The following CDH23 variants were observed in gnomAD, a reference collection of about 807,000 sequenced individuals.
The protein encoded by CDH23 is cadherin-23.
In CDH23, 189 loss-of-function variants were observed where a neutral mutation model predicts 317.1. The observed-to-expected ratio is 0.60, with a 90% CI of 0.53 to 0.67. The LOEUF (loss-of-function observed/expected upper bound fraction) is 0.67. Ranked by LOEUF, CDH23 falls within the 30% of genes least tolerant of loss-of-function variation. The pLI is 0.00. For synonymous variants in CDH23, 1,839 were observed against 1,876.8 expected (o/e 0.98, Z 0.52); for missense variants, 4,401 against 4,592.4 (o/e 0.96, Z 1.20).
intron 6 of CDH23, among the ~76,000 whole-genome samples, chr10:71,525,608 G>T (rs1037396277): frequency 1.3e-5 from 2 of 152,172 alleles, no homozygotes; most frequent in African/African-American, 2.4e-5. Context: ...GGAACCCAGA[G>T]CTGCCAGCTG....
At position 71,759,846 on chromosome 10, in the gene CDH23, C is replaced by CACACACATAT. The variant is rs776230069; in HGVS notation, c.4846-17833_4846-17832insCACACATATA. ...ACACACACACACACACACACACACACATATACACACACACACACATATATA... is the reference window on the plus strand; with the variant it reads ...ACACACACACACACACACACACACACACACACATATATATACACACACACACACATATATA... On this transcript the variant is annotated intron_variant, in intron 38 of 69. Coordinates refer to ENST00000224721, the MANE Select transcript of CDH23 (RefSeq NM_022124.6). Among the ~76,000 whole-genome samples the CACACACATAT allele has an allele frequency of 3.1e-3, 188 of 59,954 alleles. 5 individuals are homozygous for CACACACATAT. Among genetic ancestry groups the CACACACATAT allele is most frequent in the Middle Eastern group, 7.2e-3 (1 of 138 alleles). The allele number at this position is 59,954 out of a possible 152,430, so 39.3% of individuals were successfully genotyped here.
intron 60 of CDH23, 49 bp from the exon 61 acceptor site, chr10:71,809,771 T>G (rs1589436734): frequency 6.3e-7 from 1 of 1,587,846 alleles, no homozygotes; most frequent in East Asian, 2.2e-5. Flanking sequence ...TCCTGGGGAT[T>G]CGGGGCACTG....
In CDH23 at chr10:71,812,009, T is replaced by C. The variant is rs762355670; in HGVS notation, c.9374T>C (p.Phe3125Ser). The C allele has an allele frequency of 1.2e-5, 20 of 1,613,724 alleles. No individual in the cohort carries two copies. The Admixed American group carries it at 2.5e-4, about 20-fold the overall frequency. Residue 3125 changes from phenylalanine to serine, a missense_variant, in exon 66 of 70, where the codon TTT (phenylalanine) becomes TCT (serine). Around this residue, in one of 3 missense-constraint regions of CDH23, gnomAD observed 1,144 missense variants for 1,138.2 expected, o/e 1.01. Coordinates refer to ENST00000224721, the MANE Select transcript of CDH23 (RefSeq NM_022124.6). ...ATGCCTAACACCAACAAGTACTCCT[T>C]TGATGGGTGAGTGGGGTACTGGCCC... is the stretch of plus-strand genomic sequence containing the variant. ...MDMPNTNKYS[F>S]DGANPVWLDP... is the part of the protein sequence containing the mutation.
At chr10:71,663,780 C>T (rs1195086987) in intron 14 of CDH23, among the ~76,000 whole-genome samples, 1 of 152,122 alleles carries the variant, frequency 6.6e-6, no homozygotes, top group Non-Finnish European at 1.5e-5. Context: ...TTGCAGTTAT[C>T]GTCAGCCAGT....
chr10:71,593,103 A>G (rs1052412147), intron 9 of CDH23, among the ~76,000 whole-genome samples: 3 of 152,252 alleles, frequency 2.0e-5, no homozygotes, highest in South Asian at 2.1e-4. Flanking sequence ...GCAGGCCCCA[A>G]ATACATCTAG....
At chr10:71,598,320 G>A (rs949804147) in intron 9 of CDH23, among the ~76,000 whole-genome samples, 1 of 152,226 alleles carries the variant, frequency 6.6e-6, no homozygotes, top group Admixed American at 6.5e-5. Flanking sequence ...CAGGAGCAGT[G>A]CCAAGAGCTT....
intron 6 of CDH23, among the ~76,000 whole-genome samples, chr10:71,529,744 C>T (rs1408052058): frequency 6.6e-6 from 1 of 152,164 alleles, no homozygotes; most frequent in South Asian, 2.1e-4. Context: ...CCCAGCTCCA[C>T]CTGGCTGGGT....
At position 71,690,520 on chromosome 10, in the gene CDH23, C is replaced by T. The variant is rs565266663; in HGVS notation, c.2112C>T (p.Tyr704=). The T allele has an allele frequency of 6.4e-5, 103 of 1,611,476 alleles. No homozygotes were observed. Among genetic ancestry groups the T allele is most frequent in the Non-Finnish European group, 7.6e-5 (90 of 1,178,942 alleles). The change falls in exon 20 of 70, where the codon TAC becomes TAT. Residue 704 remains tyrosine (Y), a synonymous_variant. Transcript: ENST00000224721. ...NATDLDRSRE[Y]GQESIIYSLE... The stretch of plus-strand genomic sequence containing the variant: ...CAGACCTGGACCGCTCCCGGGAGTA[C>T]GGCCAGGAGTCCATCATCTACTCCT...
intron 9 of CDH23, among the ~76,000 whole-genome samples, chr10:71,595,295 G>A (rs946427983): frequency 7.9e-5 from 12 of 152,194 alleles, no homozygotes; most frequent in African/African-American, 1.7e-4. Context: ...TAGTCTGCCC[G>A]TTCCCCTCTT....
intron 11 of CDH23, among the ~76,000 whole-genome samples, chr10:71,635,640 G>T (rs1310947163): frequency 6.6e-6 from 1 of 151,848 alleles, no homozygotes; most frequent in Non-Finnish European, 1.5e-5. Flanking sequence ...GGCAAGAGGG[G>T]GAAGGAGGGA....
chr10:71,703,661 G>A (rs1233529450), intron 24 of CDH23, among the ~76,000 whole-genome samples: 2 of 152,214 alleles, frequency 1.3e-5, no homozygotes, highest in Non-Finnish European at 2.9e-5. Context: ...CAGAGGGGGT[G>A]AGCTTGGTGG....
At position 71,791,351 on chromosome 10, in the gene CDH23, G is replaced by GC; in HGVS notation, c.6253+20dup. 6.2e-7 allele frequency: 1 copy of GC among 1,609,080 alleles called. No homozygotes were observed. The highest frequency in any genetic ancestry group is 8.5e-7 in the Non-Finnish European group (1 of 1,177,198). On this transcript the variant is annotated intron_variant, in intron 47 of 69. Transcript: ENST00000224721. Reference sequence around the variant, plus strand: ...TGCCCGCCTGGTAAGCAGGGGACAGGCCCCAGCACCCCACAACCAGGGGCC... The same window carrying GC: ...TGCCCGCCTGGTAAGCAGGGGACAGGCCCCCAGCACCCCACAACCAGGGGCC...
chr10:71,469,250 A>G (rs1356925617), intron 3 of CDH23, among the ~76,000 whole-genome samples: 1 of 152,190 alleles, frequency 6.6e-6, no homozygotes, highest in Non-Finnish European at 1.5e-5. Flanking sequence ...GATAGCGAAC[A>G]TATCCATCAC....
intron 6 of CDH23, 90 bp from the exon 7 acceptor site, chr10:71,566,652 T>G (rs941960927): frequency 1.7e-6 from 2 of 1,208,332 alleles, no homozygotes; most frequent in African/African-American, 1.5e-5. Context: ...GGCTGAAGGA[T>G]GTAGAGAATG....
intron 1 of CDH23, among the ~76,000 whole-genome samples, chr10:71,428,527 G>A (rs925032313): frequency 1.3e-5 from 2 of 151,776 alleles, no homozygotes; most frequent in African/African-American, 4.8e-5. Flanking sequence ...TTGATTTATA[G>A]CTCCCTAATG....
intron 14 of CDH23, among the ~76,000 whole-genome samples, chr10:71,664,693 C>T (rs1863812149): frequency 6.6e-6 from 1 of 152,226 alleles, no homozygotes; most frequent in African/African-American, 2.4e-5. Context: ...TTCCTTAATC[C>T]TCACAATAAT....
chr10:71,690,672 G>C (rs1252363258), intron 20 of CDH23, 88 bp downstream of exon 20: 1 of 863,048 alleles, frequency 1.2e-6, no homozygotes, highest in East Asian at 2.7e-5. Context: ...TCTGGGCCCA[G>C]GTCCCCTTCC....
intron 11 of CDH23, chr10:71,623,014 A>G (rs1861541443): frequency 1.1e-6 from 1 of 928,078 alleles, no homozygotes; most frequent in Non-Finnish European, 1.3e-6. Flanking sequence ...TTCAAGCAAC[A>G]AGTGTTATGT....
At chr10:71,670,081 G>A (rs1864081440) in intron 14 of CDH23, among the ~76,000 whole-genome samples, 2 of 152,236 alleles carry the variant, frequency 1.3e-5, no homozygotes, top group Non-Finnish European at 2.9e-5. Flanking sequence ...GGTGTGCCGG[G>A]CATCTTCAGC....
Sources: gnomAD v4.1 joint callset for allele counts (sites outside exome capture counted in the v4.1 genomes callset) on GRCh38, gnomAD v4.1.1 for gene constraint, gnomAD v4.1.1 regional missense constraint, MANE v1.5 for transcripts, NCBI Gene and HGNC (gene_info 2026-07-23, HGNC 2026-07-21) for gene names.